Variants in TMEM108 observed in about 807,000 individuals in gnomAD.
The protein encoded by TMEM108 is cancer/testis antigen 124.
A neutral mutation model predicts 35.1 loss-of-function variants in TMEM108; 12 were observed. That is an observed-to-expected ratio of 0.34 (90% confidence interval 0.22 to 0.55). TMEM108 has a LOEUF of 0.55. TMEM108 is among the 20% of genes least tolerant of loss of function. The pLI, the probability that TMEM108 is intolerant of heterozygous loss-of-function variation, is 0.89. For synonymous variants in TMEM108, 287 were observed against 308.6 expected (o/e 0.93, Z 0.73); for missense variants, 680 against 753.3 (o/e 0.90, Z 1.14).
chr3:133,209,758 T>G (rs1349036219), intron 2 of TMEM108, among the ~76,000 whole-genome samples: 2 of 152,164 alleles, frequency 1.3e-5, no homozygotes, highest in Non-Finnish European at 2.9e-5. Flanking sequence ...GAATGCCATC[T>G]TCAGGAAAAG....
At chr3:133,199,833 G>A (rs977332463) in intron 2 of TMEM108, among the ~76,000 whole-genome samples, 1 of 152,180 alleles carries the variant, frequency 6.6e-6, no homozygotes, top group South Asian at 2.1e-4. Context: ...AGTTTCTGCT[G>A]CCTTTTTTTC....
At chr3:133,161,269 A>G (rs1237344188) in intron 2 of TMEM108, among the ~76,000 whole-genome samples, 1 of 152,094 alleles carries the variant, frequency 6.6e-6, no homozygotes, top group Non-Finnish European at 1.5e-5. Flanking sequence ...TTGATCTTAC[A>G]TGGCTGGCCT....
intron 3 of TMEM108, among the ~76,000 whole-genome samples, chr3:133,306,465 C>T (rs560848357): frequency 1.8e-4 from 27 of 152,214 alleles, no homozygotes; most frequent in Non-Finnish European, 3.4e-4. Flanking sequence ...TTGCTGCACC[C>T]ATTAACTTGT....
intron 2 of TMEM108, among the ~76,000 whole-genome samples, chr3:133,155,051 C>G (rs1439379594): frequency 6.6e-6 from 1 of 152,004 alleles, no homozygotes; most frequent in Admixed American, 6.6e-5. Context: ...TTGTTCCCCT[C>G]TTTGTGTCCG....
At chr3:133,085,892 C>A (rs1943876103) in intron 2 of TMEM108, among the ~76,000 whole-genome samples, 1 of 152,046 alleles carries the variant, frequency 6.6e-6, no homozygotes, top group Admixed American at 6.6e-5. Context: ...TTTCAGCCTT[C>A]AAGAGCAATA....
chr3:133,117,022 G>A (rs973755216), intron 2 of TMEM108, among the ~76,000 whole-genome samples: 2 of 152,274 alleles, frequency 1.3e-5, no homozygotes, highest in African/African-American at 4.8e-5. Flanking sequence ...CACCCACCTC[G>A]GCCTTCCAAA....
At chr3:133,107,385 A>G (rs1944165043) in intron 2 of TMEM108, among the ~76,000 whole-genome samples, 1 of 152,170 alleles carries the variant, frequency 6.6e-6, no homozygotes, top group African/African-American at 2.4e-5. Context: ...AGCCCATGAA[A>G]GATAAAACAG....
At chr3:133,147,163 TTTGTTCTCA>T in intron 2 of TMEM108, among the ~76,000 whole-genome samples, 1 of 152,352 alleles carries the variant, frequency 6.6e-6, no homozygotes, top group African/African-American at 2.4e-5. Context: ...ACGTTGTGTC[TTTGTTCTCA>T]TAGGTTTCAA....
intron 2 of TMEM108, among the ~76,000 whole-genome samples, chr3:133,166,511 C>T (rs55809592): frequency 0.22 from 33,608 of 152,074 alleles, 4,052 homozygotes; most frequent in East Asian, 0.49. Context: ...TTCTGATGTT[C>T]GGACGTGTTC....
chr3:133,081,259 A>G (rs1205436851), intron 2 of TMEM108, among the ~76,000 whole-genome samples: 1 of 152,208 alleles, frequency 6.6e-6, no homozygotes, highest in Non-Finnish European at 1.5e-5. Flanking sequence ...GAAATTTGAG[A>G]TCAGGGTACC....
At chr3:133,163,368 A>G (rs1944988739) in intron 2 of TMEM108, among the ~76,000 whole-genome samples, 1 of 152,322 alleles carries the variant, frequency 6.6e-6, no homozygotes, top group South Asian at 2.1e-4. Context: ...TGTGGGAACT[A>G]CACGTTTCCC....
chr3:133,364,134 C>T (rs541242621), intron 3 of TMEM108, among the ~76,000 whole-genome samples: 1 of 152,312 alleles, frequency 6.6e-6, no homozygotes, highest in Non-Finnish European at 1.5e-5. Context: ...TGTGAGGAAA[C>T]AGGCACAAAG....
intron 3 of TMEM108, among the ~76,000 whole-genome samples, chr3:133,290,909 G>T (rs77756611): frequency 0.024 from 3,682 of 152,184 alleles, 131 homozygotes; most frequent in African/African-American, 0.083. Context: ...AGGGCCCAGA[G>T]ATTTTATGCA....
Position 133,186,880 on chromosome 3 carries a change from A to ATG in TMEM108, c.-46-42376_-46-42375dup, listed in dbSNP as rs765756626. Among the ~76,000 whole-genome samples the ATG allele has an allele frequency of 4.6e-5, 7 of 152,198 alleles. No homozygotes were observed. In the East Asian group the frequency reaches 7.7e-4, roughly 17 times the overall value. Reference sequence around the variant, plus strand: ...CCTCTCCTTCCCTACACATATGTGAATGTGTGTGTGTATGTGTGTGTGTGT... The same window carrying ATG: ...CCTCTCCTTCCCTACACATATGTGAATGTGTGTGTGTGTATGTGTGTGTGTGT... On this transcript the variant is annotated intron_variant, in intron 2 of 5. Transcript: ENST00000321871.
At chr3:133,138,583 G>T (rs547305181) in intron 2 of TMEM108, among the ~76,000 whole-genome samples, 7 of 152,044 alleles carry the variant, frequency 4.6e-5, no homozygotes, top group Non-Finnish European at 7.4e-5. Flanking sequence ...TTCTTCGAGT[G>T]TGGCCCAGGG....
intron 3 of TMEM108, among the ~76,000 whole-genome samples, chr3:133,283,918 C>T (rs537291775): frequency 6.6e-6 from 1 of 152,338 alleles, no homozygotes; most frequent in South Asian, 2.1e-4. Context: ...AGAGGCAAGA[C>T]TTGTGCAGAA....
chr3:133,163,405 A>C (rs1296640301), intron 2 of TMEM108, among the ~76,000 whole-genome samples: 1 of 152,228 alleles, frequency 6.6e-6, no homozygotes, highest in Non-Finnish European at 1.5e-5. Context: ...TGTCCAACCA[A>C]CTTATGCCAC....
In TMEM108 at chr3:133,073,526, A is replaced by ATATATATATATT. The variant is rs1195384146; in HGVS notation, c.-47+27515_-47+27516insATTTATATATAT. ...TCTCTCTCTCTATATATATATATATATATATATATCACATTTTCTTTATCC... is the reference window on the plus strand; with the variant it reads ...TCTCTCTCTCTATATATATATATATATATATATATATTTATATATATCACATTTTCTTTATCC... On this transcript the variant is annotated intron_variant, in intron 2 of 5. Transcript: ENST00000321871. Among the ~76,000 whole-genome samples the ATATATATATATT allele has an allele frequency of 1.2e-3, 145 of 116,622 alleles. 1 individual carries two copies. The highest frequency in any genetic ancestry group is 2.4e-3 in the Admixed American group (27 of 11,454). 76.5% of individuals were successfully genotyped at this position (116,622 alleles called of 152,430 possible). A position where few individuals can be genotyped will look rare whatever the true frequency, so the allele number is the denominator to read the frequency against.
At chr3:133,097,953 C>T (rs971672746) in intron 2 of TMEM108, among the ~76,000 whole-genome samples, 5 of 152,140 alleles carry the variant, frequency 3.3e-5, no homozygotes, top group African/African-American at 1.2e-4. Context: ...CCTAGTAAAT[C>T]AAGGAAAGAG....
Sources: allele counts gnomAD v4.1 joint callset (sites outside exome capture counted in the v4.1 genomes callset), GRCh38; gene constraint gnomAD v4.1.1; transcripts MANE v1.5; gene names NCBI Gene and HGNC (gene_info 2026-07-23, HGNC 2026-07-21).